Variants in NMNAT2 observed in about 807,000 individuals in gnomAD.
NMNAT2 encodes the protein nicotinamide nucleotide adenylyltransferase 2, also known as nicotinamide/nicotinic acid mononucleotide adenylyltransferase 2.
Under a neutral mutation model 41.6 loss-of-function variants are expected in NMNAT2, and 11 were observed. The observed-to-expected ratio is 0.26, with a 90% CI of 0.17 to 0.44. The LOEUF is 0.44. Ranked by LOEUF, NMNAT2 falls within the 20% of genes least tolerant of loss-of-function variation. The probability of loss-of-function intolerance (pLI) is 1.00; values close to 1 mark genes in which losing one functional copy is unlikely to be tolerated. For missense variants in NMNAT2, 288 were observed against 407.7 expected (o/e 0.71, Z 2.53); for synonymous variants, 148 against 151.2 (o/e 0.98, Z 0.16).
At chr1:183,324,647 C>A (rs1292122019) in intron 1 of NMNAT2, among the ~76,000 whole-genome samples, 1 of 152,156 alleles carries the variant, frequency 6.6e-6, no homozygotes, top group Non-Finnish European at 1.5e-5. Flanking sequence ...ACTTGCTCTC[C>A]ATCTCCCTTC....
intron 5 of NMNAT2, among the ~76,000 whole-genome samples, chr1:183,285,232 G>A (rs1264563685): frequency 6.6e-6 from 1 of 152,152 alleles, no homozygotes; most frequent in African/African-American, 2.4e-5. Flanking sequence ...TCCATTTAAA[G>A]GGCATATAGG....
At chr1:183,353,874 C>T (rs1029805148) in intron 1 of NMNAT2, among the ~76,000 whole-genome samples, 1 of 151,890 alleles carries the variant, frequency 6.6e-6, no homozygotes, top group East Asian at 1.9e-4. Context: ...AGTGAGAGGC[C>T]CCAGTGAGAT....
At chr1:183,394,014 T>G (rs1211589778) in intron 1 of NMNAT2, among the ~76,000 whole-genome samples, 1 of 152,096 alleles carries the variant, frequency 6.6e-6, no homozygotes, top group African/African-American at 2.4e-5. Flanking sequence ...AACAAATAAA[T>G]GAATCACCTA....
intron 1 of NMNAT2, among the ~76,000 whole-genome samples, chr1:183,375,148 C>A (rs1409071617): frequency 2.0e-5 from 3 of 152,172 alleles, no homozygotes; most frequent in Admixed American, 6.6e-5. Context: ...TCTCCTTTGT[C>A]CTCCACAGAC....
chr1:183,310,747 T>G (rs1662096408), intron 1 of NMNAT2, among the ~76,000 whole-genome samples: 2 of 151,666 alleles, frequency 1.3e-5, no homozygotes, highest in African/African-American at 2.4e-5. Context: ...CGTGCCAGGG[T>G]TGAAAATCCT....
chr1:183,293,237 G>T (rs1661590125), intron 2 of NMNAT2, among the ~76,000 whole-genome samples: 1 of 152,246 alleles, frequency 6.6e-6, no homozygotes, highest in Admixed American at 6.5e-5. Context: ...GAGAAAGGGG[G>T]AATGATGGGT....
chr1:183,413,253 C>G (rs928208488), intron 1 of NMNAT2, among the ~76,000 whole-genome samples: 30 of 152,154 alleles, frequency 2.0e-4, no homozygotes, highest in Admixed American at 2.0e-3. Flanking sequence ...GAGGAGGGAG[C>G]CAATACCAGG....
intron 1 of NMNAT2, among the ~76,000 whole-genome samples, chr1:183,370,275 C>CACACACACACAG (rs1387839594): frequency 1.4e-5 from 2 of 146,942 alleles, no homozygotes; most frequent in East Asian, 4.0e-4. Context: ...CACACACACA[C>CACACACACACAG]AGGCTGCAGT....
At chr1:183,253,577 C>G (rs1660445444) in intron 10 of NMNAT2, among the ~76,000 whole-genome samples, 1 of 152,052 alleles carries the variant, frequency 6.6e-6, no homozygotes, top group Admixed American at 6.6e-5. Flanking sequence ...TGACCTGTAT[C>G]TCACCACTTT....
At chr1:183,376,433 C>G (rs925404418) in intron 1 of NMNAT2, among the ~76,000 whole-genome samples, 2 of 152,108 alleles carry the variant, frequency 1.3e-5, no homozygotes, top group East Asian at 3.9e-4. Context: ...ATCCATTGAT[C>G]TATGATGAGG....
At chr1:183,298,525 G>C (rs1033566571) in intron 1 of NMNAT2, among the ~76,000 whole-genome samples, 2 of 152,170 alleles carry the variant, frequency 1.3e-5, no homozygotes, top group African/African-American at 4.8e-5. Flanking sequence ...GCTGATGAAA[G>C]AAATCAAAGA....
rs796271314 is a variant in NMNAT2 at position 183,291,364 on chromosome 1, C to T, written c.243-1158G>A. On this transcript the variant is annotated intron_variant, in intron 3 of 10. Transcript: ENST00000287713. ...AGAGTCAGCTTGCCATTTGCCGGGA[C>T]CCTGGCTCCCCCTAGATCCCTAGCC... Among the ~76,000 whole-genome samples, 32 of 152,254 alleles carry T rather than the reference C, an allele frequency of 2.1e-4. 1 individual carries two copies. Among genetic ancestry groups the T allele is most frequent in the African/African-American group, 7.5e-4 (31 of 41,536 alleles).
At chr1:183,417,677 C>T (rs1271136873) in intron 1 of NMNAT2, among the ~76,000 whole-genome samples, 1 of 152,204 alleles carries the variant, frequency 6.6e-6, no homozygotes, top group Non-Finnish European at 1.5e-5. Flanking sequence ...AATCTTGAAG[C>T]CCCAGCCCCT....
chr1:183,290,262 T>G, intron 3 of NMNAT2, 56 bp from the exon 4 acceptor site: 1 of 1,391,806 alleles, frequency 7.2e-7, no homozygotes, highest in Non-Finnish European at 9.9e-7. Context: ...TCTTTCCTTA[T>G]TGTTACCTTC....
intron 1 of NMNAT2, among the ~76,000 whole-genome samples, chr1:183,329,167 C>T (rs943573898): frequency 6.6e-6 from 1 of 152,176 alleles, no homozygotes; most frequent in African/African-American, 2.4e-5. Flanking sequence ...TTCTATCCCC[C>T]TACCAGCATA....
intron 7 of NMNAT2, 159 bp from the exon 8 acceptor site, chr1:183,278,788 A>G: frequency 1.6e-6 from 1 of 614,410 alleles, no homozygotes; most frequent in East Asian, 2.9e-5. Flanking sequence ...TGTGCAGAGC[A>G]GAAACCCCTG....
intron 1 of NMNAT2, among the ~76,000 whole-genome samples, chr1:183,362,445 T>G (rs1663325951): frequency 6.6e-6 from 1 of 152,138 alleles, no homozygotes; most frequent in African/African-American, 2.4e-5. Context: ...GGCCCTGCAG[T>G]CCCTGACGGC....
chr1:183,316,638 C>T (rs1024224570), intron 1 of NMNAT2, among the ~76,000 whole-genome samples: 1 of 152,210 alleles, frequency 6.6e-6, no homozygotes, highest in Non-Finnish European at 1.5e-5. Flanking sequence ...GGGCACTTTA[C>T]TTCCCTCTGG....
chr1:183,363,174 A>G (rs2102360529), intron 1 of NMNAT2, among the ~76,000 whole-genome samples: 1 of 152,302 alleles, frequency 6.6e-6, no homozygotes, highest in Middle Eastern at 3.4e-3. Flanking sequence ...TATAACTGCT[A>G]TTGCAAGCAT....
Sources: allele counts gnomAD v4.1 joint callset (sites outside exome capture counted in the v4.1 genomes callset), GRCh38; gene constraint gnomAD v4.1.1; transcripts MANE v1.5; gene names NCBI Gene and HGNC (gene_info 2026-07-23, HGNC 2026-07-21).